The following RGPD2 variants were observed in gnomAD, a reference collection of about 807,000 sequenced individuals.
RGPD2 encodes RANBP2-like and GRIP domain-containing protein 2.
A neutral mutation model predicts 36.0 loss-of-function variants in RGPD2; 2 were observed. That is an observed-to-expected ratio of 0.06 (90% confidence interval 0.02 to 0.17). The LOEUF (loss-of-function observed/expected upper bound fraction) is 0.17, where lower values mean the gene tolerates loss of function less well. Among genes scored for constraint, RGPD2 ranks in the 10% least tolerant of loss-of-function variants. The pLI, the probability that RGPD2 is intolerant of heterozygous loss-of-function variation, is 1.00. For synonymous variants in RGPD2, 19 were observed against 163.8 expected (o/e 0.12, Z 6.75); for missense variants, 40 against 464.3 (o/e 0.09, Z 8.40).
chr2:87,861,011 A>G, the RGPD2 span, among the ~76,000 whole-genome samples: 1 of 151,968 alleles, frequency 6.6e-6, no homozygotes, highest in Non-Finnish European at 1.5e-5. Context: ...GTATGTAAGG[A>G]TGTATGTGTG....
chr2:87,853,913 T>G, the RGPD2 span, among the ~76,000 whole-genome samples: 1 of 152,350 alleles, frequency 6.6e-6, no homozygotes, highest in South Asian at 2.1e-4. Flanking sequence ...GGTGCCTTCC[T>G]TATCTGAAAG....
chr2:87,912,087 C>A, the RGPD2 span, among the ~76,000 whole-genome samples: 1 of 150,750 alleles, frequency 6.6e-6, no homozygotes. Context: ...TGAATTGTTT[C>A]CACCCATTAT....
the RGPD2 span, among the ~76,000 whole-genome samples, chr2:87,940,295 A>G: frequency 1.7e-4 from 26 of 152,002 alleles, no homozygotes; most frequent in South Asian, 2.9e-3. Flanking sequence ...CCTGTGTAGT[A>G]TTAGGAACTT....
chr2:87,951,864 C>T, the RGPD2 span, among the ~76,000 whole-genome samples: 23,758 of 142,702 alleles, frequency 0.17, 64 homozygotes, highest in Non-Finnish European at 0.19. Flanking sequence ...ATTACAGGCA[C>T]GAGCCACCGC....
intron 1 of RGPD2, chr2:87,824,860 G>GCCGCCGCCCGGCC (rs1351932960): frequency 5.5e-5 from 3 of 54,756 alleles, no homozygotes; most frequent in Non-Finnish European, 7.7e-5. Flanking sequence ...GGCCGAGGCC[G>GCCGCCGCCCGGCC]AGGCCGCCGC....
the RGPD2 span, among the ~76,000 whole-genome samples, chr2:87,929,636 A>G: frequency 3.3e-5 from 5 of 150,352 alleles, no homozygotes; most frequent in Non-Finnish European, 7.4e-5. Flanking sequence ...AATGTCATTA[A>G]ATCTATAAAT....
the RGPD2 span, among the ~76,000 whole-genome samples, chr2:87,866,654 C>A: frequency 3.9e-5 from 6 of 152,254 alleles, no homozygotes; most frequent in Admixed American, 1.3e-4. Context: ...TTCTCACCCC[C>A]CTTCCCTCCT....
chr2:87,930,685 C>G, the RGPD2 span, among the ~76,000 whole-genome samples: 1 of 150,616 alleles, frequency 6.6e-6, no homozygotes, highest in Admixed American at 6.6e-5. Context: ...ATTTCAATTC[C>G]TCTGATCCTG....
the RGPD2 span, among the ~76,000 whole-genome samples, chr2:87,870,586 T>C: frequency 6.6e-6 from 1 of 152,214 alleles, no homozygotes; most frequent in East Asian, 1.9e-4. Flanking sequence ...TGTGGTCCTC[T>C]GTGACATTTG....
chr2:87,911,985 A>C, the RGPD2 span, among the ~76,000 whole-genome samples: 8 of 152,198 alleles, frequency 5.3e-5, no homozygotes, highest in East Asian at 1.5e-3. Flanking sequence ...AGTAAAATCT[A>C]GCTAGTCCCT....
Position 87,825,781 on chromosome 2 carries a change from A to G in RGPD2, c.-52T>C. ...GCGTGAAACCAGCGCTCAGCCCCGC[A>G]GCAGTCGCCAATTCCAACAGGAAAG... On this transcript the variant is annotated 5_prime_UTR_variant, in exon 1 of 23. Coordinates refer to ENST00000398146, the MANE Select transcript of RGPD2 (RefSeq NM_001078170.3). The G allele has an allele frequency of 3.3e-6, 5 of 1,515,808 alleles. No individual in the cohort carries two copies. The highest frequency in any genetic ancestry group is 4.4e-6 in the Non-Finnish European group (5 of 1,128,634). 93.9% of individuals were successfully genotyped at this position (1,515,808 alleles called of 1,614,324 possible).
the RGPD2 span, among the ~76,000 whole-genome samples, chr2:87,961,714 AG>A: frequency 1.9e-5 from 2 of 107,398 alleles, no homozygotes; most frequent in Non-Finnish European, 3.9e-5. Context: ...AAAAAAAAAA[AG>A]CGCATTCTCA....
the RGPD2 span, among the ~76,000 whole-genome samples, chr2:87,877,032 T>C: frequency 2.0e-5 from 3 of 152,310 alleles, no homozygotes; most frequent in African/African-American, 7.2e-5. Flanking sequence ...AACCCCTGCT[T>C]TTTTCTGCTG....
the RGPD2 span, among the ~76,000 whole-genome samples, chr2:87,951,696 T>C: frequency 6.7e-6 from 1 of 149,632 alleles, no homozygotes; most frequent in Admixed American, 6.7e-5. Flanking sequence ...GCGAGTCTCC[T>C]GCTTCAGCCT....
the RGPD2 span, among the ~76,000 whole-genome samples, chr2:87,855,026 A>G: frequency 2.7e-4 from 41 of 152,168 alleles, no homozygotes; most frequent in Non-Finnish European, 5.7e-4. Flanking sequence ...GTGTGTGTGT[A>G]TAAGGAGGTG....
the RGPD2 span, among the ~76,000 whole-genome samples, chr2:87,884,847 A>C: frequency 6.6e-6 from 1 of 152,156 alleles, no homozygotes; most frequent in African/African-American, 2.4e-5. Context: ...TCATGGATGA[A>C]TTCTAATTAA....
chr2:87,974,141 T>C, the RGPD2 span, among the ~76,000 whole-genome samples: 1 of 144,358 alleles, frequency 6.9e-6, no homozygotes, highest in Non-Finnish European at 1.5e-5. Flanking sequence ...TGTTAGCCAA[T>C]CTGTCCAGGT....
chr2:87,915,340 A>ATAT, the RGPD2 span, among the ~76,000 whole-genome samples: 532 of 109,494 alleles, frequency 4.9e-3, 5 homozygotes, highest in Admixed American at 9.5e-3. Flanking sequence ...TTGTATATAT[A>ATAT]ATGTATATTA....
the RGPD2 span, among the ~76,000 whole-genome samples, chr2:87,853,054 T>C: frequency 6.6e-6 from 1 of 152,264 alleles, no homozygotes; most frequent in African/African-American, 2.4e-5. Context: ...GTTAATGACC[T>C]GCTCGGTAAG....
Sources: allele counts gnomAD v4.1 joint callset (sites outside exome capture counted in the v4.1 genomes callset), GRCh38; gene constraint gnomAD v4.1.1; transcripts MANE v1.5; gene names NCBI Gene and HGNC (gene_info 2026-07-23, HGNC 2026-07-21).